Variants in WWC1 observed in about 807,000 individuals in gnomAD.
WWC1 encodes WW and C2 domain containing 1, also known as protein KIBRA.
WWC1 carries 55 observed loss-of-function variants against 138.4 expected under a neutral mutation model. That is an observed-to-expected ratio of 0.40 (90% CI 0.32 to 0.50). The LOEUF is 0.50. Ranked by LOEUF, WWC1 falls within the 20% of genes least tolerant of loss-of-function variation. The pLI, the probability that WWC1 is intolerant of heterozygous loss-of-function variation, is 0.72. For synonymous variants in WWC1, 524 were observed against 564.9 expected (o/e 0.93, Z 1.03); for missense variants, 1,226 against 1,420.4 (o/e 0.86, Z 2.20).
rs1475152934 is a variant in WWC1, at chr5:168,428,806, GA to G, written c.2000+20del. On this transcript the variant is annotated intron_variant, in intron 13 of 22. Coordinates refer to ENST00000265293, the MANE Select transcript of WWC1 (RefSeq NM_015238.3). ...CCCTGAAGTAAGTGACGAGGACGAG[GA>G]GGACAGAAGGAACGGTCTGTGTGGG... The G allele has an allele frequency of 6.2e-7, 1 of 1,613,160 alleles. No homozygotes were observed. The highest frequency in any genetic ancestry group is 8.5e-7 in the Non-Finnish European group (1 of 1,179,512).
intron 1 of WWC1, among the ~76,000 whole-genome samples, chr5:168,352,586 ATT>A (rs554411549): frequency 3.3e-4 from 47 of 142,174 alleles, no homozygotes; most frequent in African/African-American, 1.0e-3. Flanking sequence ...TATATATATA[ATT>A]TTTTTTTTTT....
intron 1 of WWC1, among the ~76,000 whole-genome samples, chr5:168,369,395 T>G (rs546334197): frequency 9.0e-4 from 137 of 152,202 alleles, no homozygotes; most frequent in African/African-American, 2.0e-3. Context: ...TTTGTTGTTG[T>G]TGTTGGTGGT....
chr5:168,307,103 G>A (rs1026996114), intron 1 of WWC1, among the ~76,000 whole-genome samples: 5 of 152,206 alleles, frequency 3.3e-5, no homozygotes, highest in African/African-American at 9.6e-5. Flanking sequence ...CCAAGCTCTG[G>A]GCTGTGTGCT....
intron 17 of WWC1, among the ~76,000 whole-genome samples, chr5:168,449,694 C>G (rs1274950123): frequency 6.7e-6 from 1 of 149,440 alleles, no homozygotes; most frequent in East Asian, 2.0e-4. Flanking sequence ...CTGTCTCAGT[C>G]TGCCAAGTGG....
At chr5:168,437,376 A>G (rs752637993) in intron 15 of WWC1, among the ~76,000 whole-genome samples, 8 of 152,328 alleles carry the variant, frequency 5.3e-5, no homozygotes, top group East Asian at 1.9e-4. Context: ...AAGATGCACT[A>G]TGTACTAGAT....
At chr5:168,443,984 C>T (rs1344915674) in intron 16 of WWC1, among the ~76,000 whole-genome samples, 1 of 152,216 alleles carries the variant, frequency 6.6e-6, no homozygotes, top group Non-Finnish European at 1.5e-5. Context: ...ATAATTTCCT[C>T]AAGTCACATG....
chr5:168,374,103 C>T (rs530890526), intron 2 of WWC1, among the ~76,000 whole-genome samples: 8 of 151,202 alleles, frequency 5.3e-5, no homozygotes, highest in South Asian at 4.2e-4. Flanking sequence ...AACAACAATT[C>T]GCTCATACAT....
chr5:168,295,961 C>G (rs2152735993), intron 1 of WWC1, among the ~76,000 whole-genome samples: 1 of 152,360 alleles, frequency 6.6e-6, no homozygotes, highest in Middle Eastern at 3.4e-3. Flanking sequence ...TTTCCTGAGT[C>G]AAGGCCAGCC....
chr5:168,350,117 T>C (rs1774823171), intron 1 of WWC1, among the ~76,000 whole-genome samples: 1 of 152,200 alleles, frequency 6.6e-6, no homozygotes, highest in Non-Finnish European at 1.5e-5. Flanking sequence ...GAGGTCACTG[T>C]TCAATGCAGG....
chr5:168,384,713 C>CTTTT lies in WWC1; in HGVS notation c.230-479_230-476dup, dbSNP rs762052940. ...GTTTGGAAATTGATCCTGGTTTATT[C>CTTTT]TTTTTTTTTTTTTTTTTTTTTTCAG... On this transcript the variant is annotated intron_variant, in intron 2 of 22. Coordinates refer to ENST00000265293, the MANE Select transcript of WWC1 (RefSeq NM_015238.3). Among the ~76,000 whole-genome samples the CTTTT allele has an allele frequency of 5.2e-3, 516 of 99,620 alleles. 16 individuals are homozygous for CTTTT. The highest frequency in any genetic ancestry group is 0.018 in the African/African-American group (457 of 25,752). The allele number at this position is 99,620 out of a possible 152,430, so 65.4% of individuals were successfully genotyped here. A position where few individuals can be genotyped will look rare whatever the true frequency, so the allele number is the denominator to read the frequency against.
intron 1 of WWC1, among the ~76,000 whole-genome samples, chr5:168,355,999 A>T (rs954757963): frequency 1.3e-5 from 2 of 152,114 alleles, no homozygotes; most frequent in East Asian, 3.9e-4. Context: ...AGAACAAGCT[A>T]TTGTGATTTA....
In WWC1 at chr5:168,441,820, G is replaced by A. The variant is rs746212759; in HGVS notation, c.2419G>A (p.Gly807Arg). Residue 807 changes from glycine (G) to arginine (R), a missense_variant, in exon 16 of 23, where the codon GGG becomes AGG. Physicochemically the swap from Gly to Arg is moderately radical, Grantham distance 125. Around this residue, in one of 3 missense-constraint regions of WWC1, gnomAD observed 1,016 missense variants for 1,153.9 expected, o/e 0.88. Transcript: ENST00000265293. ...AGTGGGAGTCATGGCCCCTGCCTCAGGGCCTGCCAGCACGGTGAGCTGGGA... is the reference window on the plus strand; with the variant it reads ...AGTGGGAGTCATGGCCCCTGCCTCAAGGCCTGCCAGCACGGTGAGCTGGGA... ...KPVGVMAPASGPASTDAVSAL... is the reference protein window; with the variant it reads ...KPVGVMAPASRPASTDAVSAL... The A allele has an allele frequency of 1.2e-6, 2 of 1,613,894 alleles. No individual in the cohort carries two copies. The highest frequency in any genetic ancestry group is 1.7e-6 in the Non-Finnish European group (2 of 1,179,904).
intron 3 of WWC1, among the ~76,000 whole-genome samples, chr5:168,397,108 T>C (rs989889946): frequency 6.6e-6 from 1 of 152,122 alleles, no homozygotes; most frequent in Non-Finnish European, 1.5e-5. Context: ...CATATGTGTG[T>C]GTATATTTGG....
chr5:168,471,441 A>C lies in WWC1; in HGVS notation c.*2424A>C, dbSNP rs1417149359. Reference sequence around the variant, plus strand: ...ATCAATCAACACCTTCCCCAACTCAATTGTACTAGGTTGTAGAGCACAAGG... The same window carrying C: ...ATCAATCAACACCTTCCCCAACTCACTTGTACTAGGTTGTAGAGCACAAGG... On this transcript the variant is annotated 3_prime_UTR_variant, in exon 23 of 23. Coordinates refer to ENST00000265293, the MANE Select transcript of WWC1 (RefSeq NM_015238.3). 1 of 152,216 alleles carries C rather than the reference A, an allele frequency of 6.6e-6. No individual in the cohort carries two copies. The highest frequency in any genetic ancestry group is 6.5e-5 in the Admixed American group (1 of 15,280). The allele number at this position is 152,216 out of a possible 1,614,324, so 9.4% of individuals were successfully genotyped here. A position where few individuals can be genotyped will look rare whatever the true frequency, so the allele number is the denominator to read the frequency against.
chr5:168,381,946 T>C (rs746412094), intron 2 of WWC1, among the ~76,000 whole-genome samples: 1 of 151,946 alleles, frequency 6.6e-6, no homozygotes, highest in Non-Finnish European at 1.5e-5. Context: ...TTTGGTAATA[T>C]CTATTAAAAT....
At chr5:168,310,411 T>G (rs1193002736) in intron 1 of WWC1, among the ~76,000 whole-genome samples, 2 of 151,382 alleles carry the variant, frequency 1.3e-5, no homozygotes, top group East Asian at 3.9e-4. Flanking sequence ...TGTGTATATA[T>G]ATATATACAC....
At chr5:168,360,344 A>G (rs1230066807) in intron 1 of WWC1, among the ~76,000 whole-genome samples, 3 of 152,214 alleles carry the variant, frequency 2.0e-5, no homozygotes, top group South Asian at 2.1e-4. Flanking sequence ...CAAATACTCA[A>G]TGAAATTTTG....
At chr5:168,302,324 T>G (rs1044085962) in intron 1 of WWC1, among the ~76,000 whole-genome samples, 5 of 152,312 alleles carry the variant, frequency 3.3e-5, no homozygotes, top group Non-Finnish European at 4.4e-5. Flanking sequence ...GAGTGCCTAC[T>G]GTGCTCAGAC....
rs1769089647 is a variant in WWC1 at position 168,292,055 on chromosome 5, C to T, written c.-98C>T. Reference sequence around the variant, plus strand: ...GGGCGCCACCCCCCGGATCATGGTGCCTCGGCGGCCGCCCGGGCTAAGAGC... The same window carrying T: ...GGGCGCCACCCCCCGGATCATGGTGTCTCGGCGGCCGCCCGGGCTAAGAGC... On this transcript the variant is annotated 5_prime_UTR_variant, in exon 1 of 23. Transcript: ENST00000265293. The surrounding 1 kb of genome is among the most constrained non-coding windows in gnomAD (Gnocchi z 4.4). 1.5e-6 allele frequency: 2 copies of T among 1,363,028 alleles called. No individual in the cohort carries two copies. The highest frequency in any genetic ancestry group is 1.9e-6 in the Non-Finnish European group (2 of 1,058,266). 84.4% of individuals were successfully genotyped at this position (1,363,028 alleles called of 1,614,324 possible). A position where few individuals can be genotyped will look rare whatever the true frequency, so the allele number is the denominator to read the frequency against.
Sources: allele counts gnomAD v4.1 joint callset (sites outside exome capture counted in the v4.1 genomes callset), GRCh38; gene constraint gnomAD v4.1.1; regional missense constraint gnomAD v4.1.1; non-coding constraint Gnocchi (gnomAD v3.1); transcripts MANE v1.5; gene names NCBI Gene and HGNC (gene_info 2026-07-23, HGNC 2026-07-21).